PAK5: variants seen among roughly 807,000 people sequenced by gnomAD.
The protein encoded by PAK5 is p21 (RAC1) activated kinase 5.
In PAK5, 16 loss-of-function variants were observed where a neutral mutation model predicts 65.9. The ratio of observed to expected loss-of-function variants is 0.24; its 90% CI spans 0.16 to 0.37. The LOEUF is 0.37. Ranked by LOEUF, PAK5 falls within the 10% of genes least tolerant of loss-of-function variation. PAK5 has a pLI of 1.00. For missense variants in PAK5, 785 were observed against 903.9 expected (o/e 0.87, Z 1.69); for synonymous variants, 371 against 354.9 (o/e 1.05, Z -0.51).
intron 2 of PAK5, among the ~76,000 whole-genome samples, chr20:9,685,844 T>C (rs1429822815): frequency 6.6e-6 from 1 of 152,218 alleles, no homozygotes; most frequent in African/African-American, 2.4e-5. Context: ...ACATGTCATG[T>C]CAATGACACC....
rs2045221568 is a variant in PAK5 at position 9,539,389 on chromosome 20, C to G, written c.*73G>C. The stretch of plus-strand genomic sequence containing the variant: ...AGAATGCACAGGCCTTTTGCATGTT[C>G]TGTGTTTCCTTTTGTTCTCCTGAAT... On this transcript the variant is annotated 3_prime_UTR_variant, in exon 10 of 10. Transcript: ENST00000353224. 6.8e-7 allele frequency: 1 copy of G among 1,463,548 alleles called. No individual in the cohort carries two copies. Among genetic ancestry groups the G allele is most frequent in the East Asian group, 2.3e-5 (1 of 43,962 alleles). The allele number at this position is 1,463,548 out of a possible 1,614,324, so 90.7% of individuals were successfully genotyped here. A position where few individuals can be genotyped will look rare whatever the true frequency, so the allele number is the denominator to read the frequency against.
At chr20:9,827,577 CTGTT>C (rs1978362923) in intron 1 of PAK5, among the ~76,000 whole-genome samples, 1 of 148,086 alleles carries the variant, frequency 6.8e-6, no homozygotes, top group Non-Finnish European at 1.5e-5. Flanking sequence ...ATTGTGATGA[CTGTT>C]TGAGAGGAAC....
intron 3 of PAK5, among the ~76,000 whole-genome samples, chr20:9,619,624 C>A (rs2046733967): frequency 6.6e-6 from 1 of 152,224 alleles, no homozygotes; most frequent in African/African-American, 2.4e-5. Context: ...CAGCCCCTTG[C>A]ATTGCTGGAT....
intron 9 of PAK5, among the ~76,000 whole-genome samples, chr20:9,540,909 T>C (rs2045252010): frequency 6.6e-6 from 1 of 152,088 alleles, no homozygotes; most frequent in Admixed American, 6.5e-5. Flanking sequence ...GCTAATTTTT[T>C]GTATTTTTAG....
Position 9,562,745 on chromosome 20 carries a change from G to A in PAK5, c.1616+146C>T, listed in dbSNP as rs552762261. The A allele has an allele frequency of 4.7e-4, 319 of 673,834 alleles. 2 individuals are homozygous for A. In the African/African-American group the frequency reaches 5.1e-3, roughly 11 times the overall value. The allele number at this position is 673,834 out of a possible 1,614,324, so 41.7% of individuals were successfully genotyped here. On this transcript the variant is annotated intron_variant, in intron 6 of 9. Coordinates refer to ENST00000353224, the MANE Select transcript of PAK5 (RefSeq NM_177990.4). ...CTATACATGCCTGAGAGCATAATGG[G>A]CCCTCTGGGGAATGTAGGGGAAAGG...
intron 2 of PAK5, among the ~76,000 whole-genome samples, chr20:9,645,837 C>T (rs955962888): frequency 5.9e-5 from 9 of 152,188 alleles, no homozygotes; most frequent in South Asian, 2.1e-4. Context: ...CCGCCCGCCT[C>T]GGCCTCCCAA....
chr20:9,611,090 A>G (rs2046550922), intron 3 of PAK5, among the ~76,000 whole-genome samples: 2 of 152,156 alleles, frequency 1.3e-5, no homozygotes, highest in African/African-American at 4.8e-5. Context: ...TAAATTTTCC[A>G]TTCCCTGTAT....
At chr20:9,699,178 G>A (rs2047906821) in intron 2 of PAK5, among the ~76,000 whole-genome samples, 1 of 152,128 alleles carries the variant, frequency 6.6e-6, no homozygotes, top group Non-Finnish European at 1.5e-5. Context: ...CTATTTACAG[G>A]TTGTTTGAAA....
chr20:9,716,786 T>C (rs1260334504), intron 1 of PAK5, among the ~76,000 whole-genome samples: 1 of 152,162 alleles, frequency 6.6e-6, no homozygotes, highest in Non-Finnish European at 1.5e-5. Flanking sequence ...TACTGACTTT[T>C]AAAAAGCAAT....
intron 1 of PAK5, among the ~76,000 whole-genome samples, chr20:9,827,302 G>A (rs945346288): frequency 1.3e-5 from 2 of 152,148 alleles, no homozygotes; most frequent in Non-Finnish European, 2.9e-5. Context: ...GATGATACAG[G>A]GTTTGACTCA....
chr20:9,620,802 C>T (rs6039526), intron 3 of PAK5, among the ~76,000 whole-genome samples: 1 of 152,090 alleles, frequency 6.6e-6, no homozygotes, highest in African/African-American at 2.4e-5. Context: ...GACAGTCTGC[C>T]TGCATGACGC....
At chr20:9,567,695 C>T (rs947393063) in intron 4 of PAK5, among the ~76,000 whole-genome samples, 2 of 152,112 alleles carry the variant, frequency 1.3e-5, no homozygotes, top group Non-Finnish European at 2.9e-5. Context: ...GGAGGGTCCA[C>T]CAACAGTCAA....
At chr20:9,627,245 G>A (rs75847764) in intron 3 of PAK5, among the ~76,000 whole-genome samples, 5 of 152,116 alleles carry the variant, frequency 3.3e-5, no homozygotes, top group Non-Finnish European at 7.3e-5. Flanking sequence ...GAGATTTGAC[G>A]AAAGCTATTT....
At position 9,539,386 on chromosome 20, in the gene PAK5, G is replaced by T; in HGVS notation, c.*76C>A. 6.9e-7 allele frequency: 1 copy of T among 1,445,560 alleles called. No homozygotes were observed. Among genetic ancestry groups the T allele is most frequent in the Admixed American group, 1.7e-5 (1 of 58,112 alleles). The allele number at this position is 1,445,560 out of a possible 1,614,324, so 89.5% of individuals were successfully genotyped here. ...TCTAGAATGCACAGGCCTTTTGCAT[G>T]TTCTGTGTTTCCTTTTGTTCTCCTG... On this transcript the variant is annotated 3_prime_UTR_variant, in exon 10 of 10. Coordinates refer to ENST00000353224, the MANE Select transcript of PAK5 (RefSeq NM_177990.4).
chr20:9,686,354 C>T (rs184375885), intron 2 of PAK5, among the ~76,000 whole-genome samples: 1 of 152,226 alleles, frequency 6.6e-6, no homozygotes, highest in Admixed American at 6.5e-5. Flanking sequence ...AGACACAGGC[C>T]AGGGTATTTC....
At chr20:9,729,101 G>C (rs931724331) in intron 1 of PAK5, among the ~76,000 whole-genome samples, 4 of 152,052 alleles carry the variant, frequency 2.6e-5, no homozygotes, top group African/African-American at 7.3e-5. Flanking sequence ...TGGGCATGGT[G>C]GTGGGCACCT....
intron 1 of PAK5, among the ~76,000 whole-genome samples, chr20:9,816,641 A>G (rs964023527): frequency 2.0e-5 from 3 of 152,112 alleles, no homozygotes; most frequent in Non-Finnish European, 4.4e-5. Context: ...TCTGACTCAG[A>G]TTGGAATCCA....
intron 1 of PAK5, among the ~76,000 whole-genome samples, chr20:9,812,688 T>C (rs2049311774): frequency 6.6e-6 from 1 of 152,132 alleles, no homozygotes; most frequent in Non-Finnish European, 1.5e-5. Flanking sequence ...CAAATGCACA[T>C]CAACAGATGA....
At chr20:9,696,412 C>T (rs1185371071) in intron 2 of PAK5, among the ~76,000 whole-genome samples, 2 of 152,052 alleles carry the variant, frequency 1.3e-5, no homozygotes, top group Non-Finnish European at 2.9e-5. Context: ...TTGTTTTATA[C>T]AGTGACATTT....
Sources: gnomAD v4.1 joint callset for allele counts (sites outside exome capture counted in the v4.1 genomes callset) on GRCh38, gnomAD v4.1.1 for gene constraint, MANE v1.5 for transcripts, NCBI Gene and HGNC (gene_info 2026-07-23, HGNC 2026-07-21) for gene names.